The following USP39 variants were observed in gnomAD, a reference collection of about 807,000 sequenced individuals.
USP39 encodes the protein ubiquitin carboxyl-terminal hydrolase 39.
A neutral mutation model predicts 66.4 loss-of-function variants in USP39; 38 were observed. That is an observed-to-expected ratio of 0.57 (90% CI 0.44 to 0.75). The LOEUF is 0.75. Ranked by LOEUF, USP39 falls within the 30% of genes least tolerant of loss-of-function variation. USP39 has a pLI of 0.00. For synonymous variants in USP39, 303 were observed against 274.6 expected, an observed-to-expected ratio of 1.10 and a Z score of -1.02; for missense variants, 608 against 714.4, an observed-to-expected ratio of 0.85 and a Z score of 1.70.
At position 85,626,336 on chromosome 2, in the gene USP39, G is replaced by A. The variant is rs182154206; in HGVS notation, c.723+645G>A. On this transcript the variant is annotated intron_variant, in intron 5 of 12. Transcript: ENST00000323701. ...ATCACGTCACTGCACTCCAGCCTGG[G>A]CAAGAAGAGCGAAACTCCTCCGTCT... 2.6e-5 allele frequency among the ~76,000 whole-genome samples: 4 copies of A among 152,290 alleles called. No individual in the cohort carries two copies. The East Asian group carries it at 5.8e-4, about 22-fold the overall frequency.
At position 85,624,962 on chromosome 2, in the gene USP39, T is replaced by TAA. The variant is rs11370666; in HGVS notation, c.571-562_571-561dup. On this transcript the variant is annotated intron_variant, in intron 4 of 12. Coordinates refer to ENST00000323701, the MANE Select transcript of USP39 (RefSeq NM_006590.4). ...TAGGCAACAAGAGCAAAACTCCATCTAAAAAAAAAAAAAAAAGTTATGGTC... is the reference window on the plus strand; with the variant it reads ...TAGGCAACAAGAGCAAAACTCCATCTAAAAAAAAAAAAAAAAAAGTTATGGTC... Among the ~76,000 whole-genome samples, 279 of 137,424 alleles carry TAA rather than the reference T, an allele frequency of 2.0e-3. 2 individuals are homozygous for TAA. The highest frequency in any genetic ancestry group is 0.012 in the South Asian group (51 of 4,220). 90.2% of individuals were successfully genotyped at this position (137,424 alleles called of 152,430 possible). A position where few individuals can be genotyped will look rare whatever the true frequency, so the allele number is the denominator to read the frequency against.
chr2:85,616,549 G>A (rs1183159141), intron 1 of USP39, 86 bp downstream of exon 1: 14 of 1,304,222 alleles, frequency 1.1e-5, no homozygotes, highest in Non-Finnish European at 1.4e-5. Flanking sequence ...CTAGGTCACT[G>A]CGCCGGAGTT....
Position 85,625,606 on chromosome 2 carries a change from G to A in USP39, c.638G>A (p.Arg213Gln). The A allele has an allele frequency of 6.2e-7, 1 of 1,614,070 alleles. No homozygotes were observed. The highest frequency in any genetic ancestry group is 8.5e-7 in the Non-Finnish European group (1 of 1,179,982). Residue 213 changes from arginine to glutamine, a missense_variant, in exon 5 of 13, where the codon CGG (arginine) becomes CAG (glutamine). Arg to Gln is a conservative substitution (Grantham distance 43). Coordinates refer to ENST00000323701, the MANE Select transcript of USP39 (RefSeq NM_006590.4). The stretch of plus-strand genomic sequence containing the variant: ...TTGGACAAGCAAGCCAAATTGTCCC[G>A]GGCATATGATGGTACCACTTACCTG... ...ANLDKQAKLS[R>Q]AYDGTTYLPG...
upstream of USP39, among the ~76,000 whole-genome samples, chr2:85,609,282 T>C (rs1361747999): frequency 6.6e-6 from 1 of 152,168 alleles, no homozygotes; most frequent in Non-Finnish European, 1.5e-5. Flanking sequence ...TGGGAGTGAG[T>C]TGTGCTCAAA....
intron 4 of USP39, among the ~76,000 whole-genome samples, chr2:85,624,503 C>T (rs1219646081): frequency 6.6e-6 from 1 of 152,018 alleles, no homozygotes; most frequent in Non-Finnish European, 1.5e-5. Context: ...TACCATCATG[C>T]CCAGATACAT....
intron 9 of USP39, 45 bp downstream of exon 9, chr2:85,639,436 T>C (rs1339964016): frequency 1.4e-6 from 2 of 1,465,190 alleles, no homozygotes; most frequent in East Asian, 2.4e-5. Flanking sequence ...ACCCTCGCTC[T>C]CTCGACTTTT....
At chr2:85,608,903 G>A (rs369815691), upstream of USP39, 184 of 1,606,922 alleles carry the variant, frequency 1.1e-4, no homozygotes, top group Non-Finnish European at 1.5e-4. Flanking sequence ...GAATTCTTCC[G>A]AGTGCAGTGA....
intron 2 of USP39, 48 bp downstream of exon 2, chr2:85,619,337 G>C: frequency 6.3e-7 from 1 of 1,591,270 alleles, no homozygotes; most frequent in Non-Finnish European, 8.6e-7. Context: ...AATGGAATCT[G>C]TGCAGAAAGT....
intron 6 of USP39, among the ~76,000 whole-genome samples, chr2:85,634,551 G>A (rs999586496): frequency 1.3e-5 from 2 of 152,204 alleles, no homozygotes; most frequent in South Asian, 2.1e-4. Flanking sequence ...TCCAGCCTGG[G>A]TGACAGAGTG....
At chr2:85,641,438 A>C (rs1392584084) in intron 10 of USP39, among the ~76,000 whole-genome samples, 2 of 152,220 alleles carry the variant, frequency 1.3e-5, no homozygotes, top group African/African-American at 4.8e-5. Context: ...AGATGTCCTG[A>C]GTAGTGAGGG....
intron 5 of USP39, among the ~76,000 whole-genome samples, chr2:85,630,017 C>T (rs1013102983): frequency 1.3e-5 from 2 of 151,926 alleles, no homozygotes; most frequent in African/African-American, 4.8e-5. Flanking sequence ...TTTTTGGTTA[C>T]ATGAATAAGT....
At chr2:85,630,541 G>A (rs1260687770) in intron 5 of USP39, among the ~76,000 whole-genome samples, 180 bp from the exon 6 acceptor site, 4 of 152,196 alleles carry the variant, frequency 2.6e-5, no homozygotes, top group Admixed American at 6.6e-5. Context: ...GAAACTCAAC[G>A]TTAATGATAT....
chr2:85,612,442 A>G (rs905298390), upstream of USP39: 10 of 1,379,246 alleles, frequency 7.3e-6, no homozygotes, highest in Non-Finnish European at 9.9e-6. Flanking sequence ...TTTCCTCATT[A>G]GTAAATGGGA....
upstream of USP39, chr2:85,612,342 C>T: frequency 6.5e-7 from 1 of 1,536,152 alleles, no homozygotes; most frequent in Non-Finnish European, 8.7e-7. Flanking sequence ...ACGGCGGTGC[C>T]TTCCCATCTT....
At chr2:85,617,837 T>C (rs1451104796) in intron 1 of USP39, among the ~76,000 whole-genome samples, 3 of 152,210 alleles carry the variant, frequency 2.0e-5, no homozygotes, top group Non-Finnish European at 4.4e-5. Context: ...GGTAGTCACA[T>C]GCTTTCCATC....
chr2:85,605,807 G>C (rs1217091738), intron 1 of USP39, among the ~76,000 whole-genome samples: 8 of 152,224 alleles, frequency 5.3e-5, no homozygotes, highest in Admixed American at 2.6e-4. Context: ...CCAATCTCTA[G>C]TTGACAGTGC....
intron 8 of USP39, 91 bp downstream of exon 8, chr2:85,637,527 T>G: frequency 2.9e-6 from 4 of 1,393,346 alleles, no homozygotes; most frequent in Non-Finnish European, 4.1e-6. Flanking sequence ...CTGACAAGCC[T>G]GCTTGCCCTG....
At chr2:85,646,884 T>C (rs1225764337) in intron 11 of USP39, among the ~76,000 whole-genome samples, 2 of 83,856 alleles carry the variant, frequency 2.4e-5, no homozygotes, top group Non-Finnish European at 4.7e-5. Context: ...GACCTGTTGC[T>C]TTTTTTTTTT....
At chr2:85,640,772 C>CTTTTT (rs962406690) in intron 9 of USP39, among the ~76,000 whole-genome samples, 1 of 128,638 alleles carries the variant, frequency 7.8e-6, no homozygotes, top group African/African-American at 2.9e-5. Flanking sequence ...CAGGCCCGGC[C>CTTTTT]TTTTTTTTTT....
Sources: gnomAD v4.1 joint callset for allele counts (sites outside exome capture counted in the v4.1 genomes callset) on GRCh38, gnomAD v4.1.1 for gene constraint, MANE v1.5 for transcripts, NCBI Gene and HGNC (gene_info 2026-07-23, HGNC 2026-07-21) for gene names.